VPS13B: variants seen among roughly 807,000 people sequenced by gnomAD.
VPS13B encodes vacuolar protein sorting 13 homolog B.
Under a neutral mutation model 426.4 loss-of-function variants are expected in VPS13B, and 285 were observed. The ratio of observed to expected loss-of-function variants is 0.67; its 90% CI spans 0.61 to 0.74. VPS13B has a LOEUF of 0.74. VPS13B is among the 30% of genes least tolerant of loss of function. VPS13B has a pLI of 0.00. For missense variants in VPS13B, 4,537 were observed against 4,782.6 expected, an observed-to-expected ratio of 0.95 and a Z score of 1.51; for synonymous variants, 1,676 against 1,676.4, an observed-to-expected ratio of 1.00 and a Z score of 0.01.
At chr8:99,061,161 A>G (rs1447747406) in intron 3 of VPS13B, among the ~76,000 whole-genome samples, 1 of 152,188 alleles carries the variant, frequency 6.6e-6, no homozygotes, top group Non-Finnish European at 1.5e-5. Flanking sequence ...GACATAAGGA[A>G]CACAGATTGC....
intron 30 of VPS13B, among the ~76,000 whole-genome samples, chr8:99,543,831 G>A (rs1369499536): frequency 1.3e-5 from 2 of 150,728 alleles, no homozygotes; most frequent in East Asian, 3.9e-4. Flanking sequence ...TGGAGAGGAT[G>A]TGGAGAAATA....
At chr8:99,873,753 G>A (rs1352258221) in intron 61 of VPS13B, among the ~76,000 whole-genome samples, 1 of 152,156 alleles carries the variant, frequency 6.6e-6, no homozygotes, top group East Asian at 1.9e-4. Flanking sequence ...GTAATCTAGA[G>A]TATTTTCAAC....
At chr8:99,798,644 A>G (rs1812978223) in intron 43 of VPS13B, among the ~76,000 whole-genome samples, 1 of 152,204 alleles carries the variant, frequency 6.6e-6, no homozygotes, top group African/African-American at 2.4e-5. Flanking sequence ...CAAAGCGCCC[A>G]GAGGAATGGC....
At chr8:99,661,278 T>C in intron 34 of VPS13B, 76 bp from the exon 35 acceptor site, 2 of 1,575,954 alleles carry the variant, frequency 1.3e-6, no homozygotes, top group Non-Finnish European at 1.7e-6. Context: ...CTCTCATTTA[T>C]TAACTCAAAC....
chr8:99,247,531 A>T (rs1817287855), intron 17 of VPS13B, among the ~76,000 whole-genome samples: 1 of 152,220 alleles, frequency 6.6e-6, no homozygotes, highest in South Asian at 2.1e-4. Context: ...GGTTGAAATT[A>T]TCTTGGCTTT....
intron 19 of VPS13B, among the ~76,000 whole-genome samples, chr8:99,292,522 C>T (rs1819789264): frequency 2.0e-5 from 3 of 152,072 alleles, no homozygotes; most frequent in South Asian, 4.1e-4. Context: ...TTATCTATTA[C>T]TTTTAATGAT....
intron 17 of VPS13B, among the ~76,000 whole-genome samples, chr8:99,256,787 AG>A (rs1433931848): frequency 4.6e-5 from 7 of 152,250 alleles, no homozygotes; most frequent in African/African-American, 1.7e-4. Flanking sequence ...TCTGGATACC[AG>A]CGTCTCATCA....
chr8:99,199,397 T>G (rs1395161932), intron 17 of VPS13B, among the ~76,000 whole-genome samples: 1 of 151,832 alleles, frequency 6.6e-6, no homozygotes, highest in Admixed American at 6.6e-5. Flanking sequence ...GGTCTCGATC[T>G]CCTGACCTCG....
At chr8:99,814,248 G>A (rs936662790) in intron 44 of VPS13B, among the ~76,000 whole-genome samples, 1 of 152,202 alleles carries the variant, frequency 6.6e-6, no homozygotes, top group Non-Finnish European at 1.5e-5. Context: ...TGATGACATA[G>A]GAAAATGTAT....
chr8:99,461,042 A>T (rs1818803108), intron 23 of VPS13B, among the ~76,000 whole-genome samples: 1 of 152,160 alleles, frequency 6.6e-6, no homozygotes, highest in Non-Finnish European at 1.5e-5. Flanking sequence ...TATCAACTGT[A>T]TCTAGCTTTG....
chr8:99,425,255 C>A (rs199917894), intron 21 of VPS13B, among the ~76,000 whole-genome samples: 3 of 151,750 alleles, frequency 2.0e-5, no homozygotes, highest in African/African-American at 7.3e-5. Flanking sequence ...TGGCAGAGAC[C>A]CAACAAAAAA....
At chr8:99,319,879 G>A (rs115285206) in intron 19 of VPS13B, among the ~76,000 whole-genome samples, 4 of 152,134 alleles carry the variant, frequency 2.6e-5, no homozygotes, top group African/African-American at 9.7e-5. Context: ...ATAATATAAC[G>A]TATTTTAGGT....
intron 43 of VPS13B, among the ~76,000 whole-genome samples, chr8:99,807,654 G>C (rs979781303): frequency 2.6e-5 from 4 of 150,984 alleles, no homozygotes; most frequent in African/African-American, 9.8e-5. Context: ...TTTCCCTAAA[G>C]GTATTTACTA....
intron 29 of VPS13B, among the ~76,000 whole-genome samples, chr8:99,520,632 T>C (rs1822329649): frequency 6.6e-6 from 1 of 152,086 alleles, no homozygotes; most frequent in African/African-American, 2.4e-5. Context: ...AATATCATAA[T>C]TTTTAATGTT....
intron 19 of VPS13B, among the ~76,000 whole-genome samples, chr8:99,381,015 A>G (rs1367997998): frequency 1.3e-5 from 2 of 151,928 alleles, no homozygotes; most frequent in Non-Finnish European, 2.9e-5. Context: ...AAATAAACCA[A>G]TGGTTATTTT....
At chr8:99,761,880 C>T (rs953510176) in intron 39 of VPS13B, among the ~76,000 whole-genome samples, 6 of 151,994 alleles carry the variant, frequency 3.9e-5, no homozygotes, top group Non-Finnish European at 5.9e-5. Context: ...GTATGGGACA[C>T]GTAATGTTTT....
At position 99,495,854 on chromosome 8, in the gene VPS13B, T is replaced by G. The variant is rs531184038; in HGVS notation, c.3871-5833T>G. On this transcript the variant is annotated intron_variant, in intron 25 of 61. Coordinates refer to ENST00000357162, the MANE Select transcript of VPS13B (RefSeq NM_152564.5). ...TTATTCTTAGCTTATTAATATTCAG[T>G]ATTTTCTTTAAAATTGATTGATGAA... Among the ~76,000 whole-genome samples the G allele has an allele frequency of 3.3e-5, 5 of 152,338 alleles. No homozygotes were observed. In the East Asian group the frequency reaches 9.6e-4, roughly 29 times the overall value.
At chr8:99,446,462 T>C (rs1817927612) in intron 23 of VPS13B, among the ~76,000 whole-genome samples, 2 of 152,122 alleles carry the variant, frequency 1.3e-5, no homozygotes, top group South Asian at 4.1e-4. Flanking sequence ...ATCTTATGAG[T>C]CCTGCAAGTT....
rs564874307 is a variant in VPS13B at position 99,483,152 on chromosome 8, T to G, written c.3870+1350T>G. Among the ~76,000 whole-genome samples, 10 of 152,308 alleles carry G rather than the reference T, an allele frequency of 6.6e-5. No individual in the cohort carries two copies. In the East Asian group the frequency reaches 1.2e-3, roughly 18 times the overall value. On this transcript the variant is annotated intron_variant, in intron 25 of 61. Transcript: ENST00000357162. ...CTCAGTTAAAAGGGCAAATTTCAGC[T>G]GCTATAAAGCATTTAACACTTTAGA...
Sources: allele counts gnomAD v4.1 joint callset (sites outside exome capture counted in the v4.1 genomes callset), GRCh38; gene constraint gnomAD v4.1.1; transcripts MANE v1.5; gene names NCBI Gene and HGNC (gene_info 2026-07-23, HGNC 2026-07-21).